The following HPSE2 variants were observed in gnomAD, a reference collection of about 807,000 sequenced individuals.
HPSE2 encodes heparanase 2 (inactive).
In HPSE2, 38 loss-of-function variants were observed where a neutral mutation model predicts 60.5. That is an observed-to-expected ratio of 0.63 (90% CI 0.48 to 0.82). The LOEUF (loss-of-function observed/expected upper bound fraction) is 0.82, where lower values mean the gene tolerates loss of function less well. HPSE2 is among the 40% of genes least tolerant of loss of function. HPSE2 has a pLI of 0.00. For missense variants in HPSE2, 713 were observed against 740.4 expected (o/e 0.96, Z 0.43); for synonymous variants, 295 against 293.2 (o/e 1.01, Z -0.06).
At chr10:98,730,590 AAG>A (rs1173139807) in intron 4 of HPSE2, among the ~76,000 whole-genome samples, 1 of 152,110 alleles carries the variant, frequency 6.6e-6, no homozygotes, top group Non-Finnish European at 1.5e-5. Flanking sequence ...CCACCGAAAA[AAG>A]AGAGAGAGAA....
chr10:99,090,672 AC>A (rs1378905433), intron 3 of HPSE2, among the ~76,000 whole-genome samples: 2 of 152,092 alleles, frequency 1.3e-5, no homozygotes, highest in African/African-American at 4.8e-5. Flanking sequence ...TTTCCTAAAA[AC>A]CATTATTTCA....
chr10:99,028,003 A>G (rs188296235), intron 3 of HPSE2, among the ~76,000 whole-genome samples: 16 of 152,318 alleles, frequency 1.1e-4, no homozygotes, highest in Non-Finnish European at 2.2e-4. Context: ...ACATACCTCA[A>G]TGTAATAAAA....
intron 9 of HPSE2, among the ~76,000 whole-genome samples, chr10:98,548,687 T>A (rs1943769855): frequency 6.6e-6 from 1 of 152,070 alleles, no homozygotes; most frequent in South Asian, 2.1e-4. Context: ...GAACAAGTGC[T>A]GACATAGGCA....
In HPSE2 at chr10:98,620,079, G is replaced by C. The variant is rs74367048; in HGVS notation, c.1205+523C>G. On this transcript the variant is annotated intron_variant, in intron 8 of 11. Coordinates refer to ENST00000370552, the MANE Select transcript of HPSE2 (RefSeq NM_021828.5). ...AAATTGTTATAAAAGCAGTAGCATC[G>C]ATTTCATTGGTTGTTAAATTATGAA... Among the ~76,000 whole-genome samples the C allele has an allele frequency of 8.8e-3, 1,341 of 152,260 alleles. 11 individuals are homozygous for C. The highest frequency in any genetic ancestry group is 0.031 in the African/African-American group (1,271 of 41,542).
At chr10:98,668,355 T>G (rs1462279818) in intron 6 of HPSE2, among the ~76,000 whole-genome samples, 1 of 152,158 alleles carries the variant, frequency 6.6e-6, no homozygotes, top group Non-Finnish European at 1.5e-5. Flanking sequence ...AATTTACAGA[T>G]TCAGTGTTAT....
intron 9 of HPSE2, among the ~76,000 whole-genome samples, chr10:98,514,483 TAA>T (rs1485443843): frequency 1.3e-5 from 2 of 152,190 alleles, no homozygotes; most frequent in Admixed American, 1.3e-4. Flanking sequence ...TTTCTGGAGA[TAA>T]ACTTTCTTGA....
intron 9 of HPSE2, among the ~76,000 whole-genome samples, chr10:98,603,439 G>GTTTTTT (rs58750714): frequency 0.019 from 2,700 of 144,168 alleles, 63 homozygotes; most frequent in South Asian, 0.027. Flanking sequence ...CTGTTTTTTT[G>GTTTTTT]TTTTTTTTTT....
chr10:99,246,696 G>A, the HPSE2 span, among the ~76,000 whole-genome samples: 2 of 150,462 alleles, frequency 1.3e-5, no homozygotes, highest in East Asian at 2.0e-4. Flanking sequence ...GCAGTGAGCC[G>A]AGATCACACC....
rs1185170947 is a variant in HPSE2, at chr10:98,935,397, T to C, written c.611-191341A>G. Among the ~76,000 whole-genome samples, 4 of 144,018 alleles carry C rather than the reference T, an allele frequency of 2.8e-5. 1 individual carries two copies. Among genetic ancestry groups the C allele is most frequent in the Non-Finnish European group, 6.0e-5 (4 of 67,150 alleles). 94.5% of individuals were successfully genotyped at this position (144,018 alleles called of 152,430 possible). A position where few individuals can be genotyped will look rare whatever the true frequency, so the allele number is the denominator to read the frequency against. ...TTTTGAGATTTTCAGCATTTTTGCA[T>C]TGGTTTTTCCTCATCTTTCTGGATT... On this transcript the variant is annotated intron_variant, in intron 3 of 11. Transcript: ENST00000370552.
chr10:99,098,852 G>A (rs1843822492), intron 3 of HPSE2, among the ~76,000 whole-genome samples: 1 of 152,146 alleles, frequency 6.6e-6, no homozygotes, highest in African/African-American at 2.4e-5. Context: ...AACCTGCATA[G>A]GCTGACTAAA....
At chr10:98,829,877 C>T (rs1217205596) in intron 3 of HPSE2, among the ~76,000 whole-genome samples, 1 of 151,436 alleles carries the variant, frequency 6.6e-6, no homozygotes, top group African/African-American at 2.4e-5. Flanking sequence ...AATTTTATTT[C>T]TTCTAAGAAA....
At chr10:98,914,757 G>A (rs1954071387) in intron 3 of HPSE2, among the ~76,000 whole-genome samples, 1 of 151,374 alleles carries the variant, frequency 6.6e-6, no homozygotes, top group African/African-American at 2.4e-5. Context: ...CCTAGTATAA[G>A]CTGATAAATC....
intron 9 of HPSE2, among the ~76,000 whole-genome samples, chr10:98,596,553 T>C (rs1366406333): frequency 6.6e-6 from 1 of 152,114 alleles, no homozygotes; most frequent in Non-Finnish European, 1.5e-5. Flanking sequence ...CCCTTAGCTT[T>C]TGTTTGTCTG....
Position 98,458,307 on chromosome 10 carries a change from A to C in HPSE2, c.*1267T>G, listed in dbSNP as rs1453767083. 1.3e-5 allele frequency: 2 copies of C among 152,254 alleles called. No individual in the cohort carries two copies. The highest frequency in any genetic ancestry group is 3.9e-4 in the East Asian group (2 of 5,188). The allele number at this position is 152,254 out of a possible 1,614,324, so 9.4% of individuals were successfully genotyped here. ...TGAGAAAGAAAATCACATCCACAGA[A>C]AAGAAAGTCATTTCAGCTGTAGCTC... On this transcript the variant is annotated 3_prime_UTR_variant, in exon 12 of 12. Transcript: ENST00000370552.
At chr10:98,983,848 C>T (rs927128251) in intron 3 of HPSE2, among the ~76,000 whole-genome samples, 1 of 152,174 alleles carries the variant, frequency 6.6e-6, no homozygotes, top group Non-Finnish European at 1.5e-5. Context: ...AGATTATATC[C>T]TGCGCCTGGC....
At chr10:98,525,421 G>A (rs1942936056) in intron 9 of HPSE2, among the ~76,000 whole-genome samples, 1 of 152,190 alleles carries the variant, frequency 6.6e-6, no homozygotes, top group Admixed American at 6.5e-5. Flanking sequence ...ACAATTCATA[G>A]GCATATGCCA....
chr10:99,005,855 T>G (rs985049810), intron 3 of HPSE2, among the ~76,000 whole-genome samples: 1 of 152,206 alleles, frequency 6.6e-6, no homozygotes, highest in South Asian at 2.1e-4. Context: ...GAGTAAGTTG[T>G]CTGGCATTCT....
intron 9 of HPSE2, among the ~76,000 whole-genome samples, chr10:98,519,820 G>T (rs1409705424): frequency 1.3e-5 from 2 of 152,142 alleles, no homozygotes; most frequent in African/African-American, 4.8e-5. Flanking sequence ...AAAAGTGAAG[G>T]TGGTCTCCAC....
chr10:98,699,522 C>A (rs1330773903), intron 5 of HPSE2, among the ~76,000 whole-genome samples: 1 of 114,228 alleles, frequency 8.8e-6, no homozygotes, highest in Non-Finnish European at 1.9e-5. Flanking sequence ...ATGACAAACC[C>A]ACAGCCAATA....
Sources: allele counts gnomAD v4.1 joint callset (sites outside exome capture counted in the v4.1 genomes callset), GRCh38; gene constraint gnomAD v4.1.1; transcripts MANE v1.5; gene names NCBI Gene and HGNC (gene_info 2026-07-23, HGNC 2026-07-21).